Variants in SATB2 observed in about 807,000 individuals in gnomAD.
The protein encoded by SATB2 is DNA-binding protein SATB2.
A neutral mutation model predicts 73.4 loss-of-function variants in SATB2; 1 was observed. The observed-to-expected ratio is 0.01, with a 90% CI of 0.00 to 0.06. SATB2 has a LOEUF of 0.06. Among genes scored for constraint, SATB2 ranks in the 10% least tolerant of loss-of-function variants. The pLI is 1.00. For synonymous variants in SATB2, 397 were observed against 367.0 expected (o/e 1.08, Z -0.93); for missense variants, 459 against 945.8 (o/e 0.49, Z 6.75).
chr2:199,348,944 T>C lies in SATB2; in HGVS notation c.930A>G (p.Gln310=). 1 of 1,614,088 alleles carries C rather than the reference T, an allele frequency of 6.2e-7. No individual in the cohort carries two copies. The highest frequency in any genetic ancestry group is 1.1e-5 in the South Asian group (1 of 91,076). Reference sequence around the variant, plus strand: ...GGTTTATCAGATGGGCCATGGCTATTTGTTGCCTTACAAGTTGTGGACTAA... The same window carrying C: ...GGTTTATCAGATGGGCCATGGCTATCTGTTGCCTTACAAGTTGTGGACTAA... ...PQLSPQLVRQ[Q]IAMAHLINQQ... The change falls in exon 7 of 11, where the codon CAA becomes CAG. Residue 310 remains glutamine, a synonymous_variant. Transcript: ENST00000417098.
chr2:199,276,939 C>T (rs767231869), intron 10 of SATB2, among the ~76,000 whole-genome samples: 11 of 151,940 alleles, frequency 7.2e-5, no homozygotes, highest in Admixed American at 2.0e-4. Context: ...ATAATAAGAT[C>T]GATAAATAAA....
chr2:199,282,303 TA>T (rs1398547817), intron 10 of SATB2, among the ~76,000 whole-genome samples: 1 of 152,208 alleles, frequency 6.6e-6, no homozygotes, highest in Admixed American at 6.5e-5. Flanking sequence ...AAGCTATCAC[TA>T]ATTACAGGAA....
At chr2:199,396,679 C>T (rs1427921047) in intron 3 of SATB2, 1 of 152,076 alleles carries the variant, frequency 6.6e-6, no homozygotes, top group African/African-American at 2.4e-5. Context: ...TGTAACCTGA[C>T]CCACGGTTAT....
At position 199,407,307 on chromosome 2, in the gene SATB2, AAGAG is replaced by A. The variant is rs1215969351; in HGVS notation, c.347-25491_347-25488del. 2.0e-4 allele frequency among the ~76,000 whole-genome samples: 30 copies of A among 151,246 alleles called. 1 individual carries two copies. Among genetic ancestry groups the A allele is most frequent in the Middle Eastern group, 3.4e-3 (1 of 292 alleles). On this transcript the variant is annotated intron_variant, in intron 3 of 10. Coordinates refer to ENST00000417098, the MANE Select transcript of SATB2 (RefSeq NM_001172509.2). ...GTCTCCCAAAAAAAAAAAAAAAAAA[AAGAG>A]AGAGAAGAAAAGAAAGAAACATAGA...
chr2:199,350,508 AAGT>A (rs1159564814), intron 6 of SATB2, among the ~76,000 whole-genome samples: 1 of 152,206 alleles, frequency 6.6e-6, no homozygotes, highest in African/African-American at 2.4e-5. Context: ...GGGTGGAAAA[AAGT>A]AGTATTTCTA....
At chr2:199,339,798 A>G (rs1688451724) in intron 7 of SATB2, among the ~76,000 whole-genome samples, 1 of 152,238 alleles carries the variant, frequency 6.6e-6, no homozygotes, top group African/African-American at 2.4e-5. Flanking sequence ...TTTGGCTAAC[A>G]ATATGTATAA....
upstream of SATB2, among the ~76,000 whole-genome samples, chr2:199,461,558 A>T (rs1444008925): frequency 6.6e-6 from 1 of 152,232 alleles, no homozygotes; most frequent in Non-Finnish European, 1.5e-5. Context: ...TTTGTGCATT[A>T]GGAGATAGTT....
chr2:199,376,189 C>A (rs1689598787), intron 5 of SATB2, among the ~76,000 whole-genome samples: 1 of 152,058 alleles, frequency 6.6e-6, no homozygotes, highest in South Asian at 2.1e-4. Context: ...ATATCAGAAG[C>A]CTAAATCAAA....
At chr2:199,409,582 T>C (rs1690748661) in intron 3 of SATB2, among the ~76,000 whole-genome samples, 1 of 152,220 alleles carries the variant, frequency 6.6e-6, no homozygotes, top group African/African-American at 2.4e-5. Flanking sequence ...ATTAACATTT[T>C]TATCATGGCT....
At chr2:199,400,093 T>C (rs568690167) in intron 3 of SATB2, among the ~76,000 whole-genome samples, 7 of 152,236 alleles carry the variant, frequency 4.6e-5, no homozygotes, top group African/African-American at 1.7e-4. Context: ...GAGACCCAAC[T>C]CAAACAGTAC....
intron 10 of SATB2, among the ~76,000 whole-genome samples, chr2:199,291,199 T>C (rs185175415): frequency 6.6e-6 from 1 of 152,322 alleles, no homozygotes; most frequent in East Asian, 1.9e-4. Flanking sequence ...ATTAATTCAA[T>C]GTATATATTT....
intron 6 of SATB2, among the ~76,000 whole-genome samples, chr2:199,350,152 A>G (rs1431660151): frequency 3.3e-5 from 5 of 152,182 alleles, no homozygotes; most frequent in Non-Finnish European, 5.9e-5. Flanking sequence ...AATCCATACA[A>G]ATTTAGAAAT....
chr2:199,286,748 C>A (rs891623198), intron 10 of SATB2, among the ~76,000 whole-genome samples: 1 of 152,166 alleles, frequency 6.6e-6, no homozygotes, highest in African/African-American at 2.4e-5. Flanking sequence ...CAATTCAAGG[C>A]ACAGATTAAA....
chr2:199,358,304 A>T (rs938324870), intron 6 of SATB2, among the ~76,000 whole-genome samples: 1 of 152,152 alleles, frequency 6.6e-6, no homozygotes, highest in Non-Finnish European at 1.5e-5. Context: ...ACAAAAAAAA[A>T]TTCTGTTAAT....
chr2:199,356,590 C>T (rs1345841414), intron 6 of SATB2, among the ~76,000 whole-genome samples: 1 of 152,104 alleles, frequency 6.6e-6, no homozygotes, highest in Non-Finnish European at 1.5e-5. Context: ...GAATAACTGT[C>T]CAAATGCAGA....
At chr2:199,375,396 G>C (rs1689570646) in intron 5 of SATB2, among the ~76,000 whole-genome samples, 1 of 152,116 alleles carries the variant, frequency 6.6e-6, no homozygotes, top group Admixed American at 6.6e-5. Context: ...TAAATACGCA[G>C]ACACACAACC....
intron 3 of SATB2, among the ~76,000 whole-genome samples, chr2:199,386,891 T>C (rs1455865772): frequency 6.6e-6 from 1 of 152,126 alleles, no homozygotes; most frequent in Non-Finnish European, 1.5e-5. Flanking sequence ...TTCTAGAAAC[T>C]GTCTATATTA....
intron 10 of SATB2, among the ~76,000 whole-genome samples, chr2:199,280,545 A>C (rs1312036554): frequency 2.0e-5 from 3 of 152,206 alleles, no homozygotes; most frequent in Non-Finnish European, 4.4e-5. Context: ...TTTCTCAGCA[A>C]GGAACATATC....
chr2:199,351,262 AGTGATTCTCCTG>A (rs1688811359), intron 6 of SATB2, among the ~76,000 whole-genome samples: 1 of 151,492 alleles, frequency 6.6e-6, no homozygotes, highest in South Asian at 2.1e-4. Context: ...CTCGGGTTCA[AGTGATTCTCCTG>A]TCTCAGCCTC....
Sources: gnomAD v4.1 joint callset for allele counts (sites outside exome capture counted in the v4.1 genomes callset) on GRCh38, gnomAD v4.1.1 for gene constraint, MANE v1.5 for transcripts, NCBI Gene and HGNC (gene_info 2026-07-23, HGNC 2026-07-21) for gene names.